Variants in DNM3 observed in about 807,000 individuals in gnomAD.
DNM3 encodes the protein dynamin 3.
Under a neutral mutation model 101.6 loss-of-function variants are expected in DNM3, and 47 were observed. The ratio of observed to expected loss-of-function variants is 0.46; its 90% confidence interval spans 0.37 to 0.59. DNM3 has a LOEUF of 0.59. Ranked by LOEUF, DNM3 falls within the 20% of genes least tolerant of loss-of-function variation. The probability of loss-of-function intolerance (pLI) is 0.00; values close to 1 mark genes in which losing one functional copy is unlikely to be tolerated. For synonymous variants in DNM3, 385 were observed against 387.9 expected, an observed-to-expected ratio of 0.99 and a Z score of 0.09; for missense variants, 849 against 1,085.7, an observed-to-expected ratio of 0.78 and a Z score of 3.06.
chr1:172,253,535 C>G, intron 14 of DNM3, 38 bp from the exon 15 acceptor site: 2 of 947,622 alleles, frequency 2.1e-6, no homozygotes, highest in Non-Finnish European at 3.1e-6. Context: ...CTCTCCTCTC[C>G]TCTCCTCTCC....
intron 17 of DNM3, among the ~76,000 whole-genome samples, chr1:172,339,704 C>G (rs563099642): frequency 6.6e-6 from 1 of 152,156 alleles, no homozygotes; most frequent in African/African-American, 2.4e-5. Flanking sequence ...CCCTGCTTGT[C>G]CTGCCTGTTG....
At chr1:172,239,719 C>T (rs2061671670) in intron 14 of DNM3, among the ~76,000 whole-genome samples, 1 of 151,420 alleles carries the variant, frequency 6.6e-6, no homozygotes, top group African/African-American at 2.4e-5. Context: ...CTAATGATAC[C>T]TTCTCAGTTC....
At chr1:171,918,401 C>T (rs762708098) in intron 1 of DNM3, among the ~76,000 whole-genome samples, 12 of 152,120 alleles carry the variant, frequency 7.9e-5, no homozygotes, top group Admixed American at 3.9e-4. Context: ...GTTTCTCATT[C>T]GAGGACTCAT....
chr1:172,372,876 GTT>G (rs2068418038), intron 17 of DNM3, among the ~76,000 whole-genome samples: 1 of 151,458 alleles, frequency 6.6e-6, no homozygotes, highest in Admixed American at 6.6e-5. Context: ...TAGAGACCAG[GTT>G]TCATCATGTT....
At chr1:172,347,616 A>T (rs1297096094) in intron 17 of DNM3, among the ~76,000 whole-genome samples, 1 of 152,218 alleles carries the variant, frequency 6.6e-6, no homozygotes, top group Non-Finnish European at 1.5e-5. Flanking sequence ...TGATATGAAT[A>T]CACTGACCAG....
rs1446405925 is a variant in DNM3, at chr1:172,066,265, A to G, written c.1336-2554A>G. ...CATTTTCTGTAGTTTATAACAAAAT[A>G]CCTGAAACTGGGTATACAGAAAAGG... On this transcript the variant is annotated intron_variant, in intron 10 of 20. Transcript: ENST00000627582. Among the ~76,000 whole-genome samples the G allele has an allele frequency of 2.0e-5, 3 of 152,272 alleles. No individual in the cohort carries two copies. The East Asian group carries it at 5.8e-4, about 29-fold the overall frequency.
chr1:171,927,994 A>C (rs2040714900), intron 2 of DNM3, among the ~76,000 whole-genome samples: 1 of 152,178 alleles, frequency 6.6e-6, no homozygotes, highest in Admixed American at 6.5e-5. Context: ...TACAGTGTAG[A>C]TTGAATACAG....
intron 1 of DNM3, among the ~76,000 whole-genome samples, chr1:171,875,833 A>G (rs1266944119): frequency 7.7e-5 from 1 of 13,002 alleles, no homozygotes; most frequent in Non-Finnish European, 1.3e-4. Flanking sequence ...TTTTTTTGAG[A>G]TGGAGTATCG....
chr1:172,082,779 A>T lies in DNM3; in HGVS notation c.1493+877A>T, dbSNP rs1222931164. Among the ~76,000 whole-genome samples the T allele has an allele frequency of 3.9e-5, 6 of 152,214 alleles. No individual in the cohort carries two copies. The East Asian group carries it at 9.6e-4, about 24-fold the overall frequency. ...TGGATATGCAGACCCTGTGACCTAA[A>T]CTAAACAGTGGCCTGAGGAATTTAC... On this transcript the variant is annotated intron_variant, in intron 12 of 20. Transcript: ENST00000627582.
rs376612134 is a variant in DNM3, at chr1:172,323,408, C to T, written c.1893+68C>T. The T allele has an allele frequency of 4.6e-5, 71 of 1,543,802 alleles. No homozygotes were observed. The African/African-American group carries it at 8.4e-4, about 18-fold the overall frequency. On this transcript the variant is annotated intron_variant, in intron 17 of 20. Transcript: ENST00000627582. ...CCTGCTCCGCTCCTGCATGTCTTGA[C>T]AAGAGTGTTCCTGTGCATGCTGGAA...
intron 15 of DNM3, among the ~76,000 whole-genome samples, chr1:172,276,067 T>C (rs2063273399): frequency 2.0e-5 from 3 of 152,098 alleles, no homozygotes; most frequent in Non-Finnish European, 1.5e-5. Flanking sequence ...TTTTTAAAAA[T>C]AGAATGGGCA....
chr1:172,216,788 ACACAAAG>A (rs1187817526), intron 14 of DNM3, among the ~76,000 whole-genome samples: 18 of 151,978 alleles, frequency 1.2e-4, no homozygotes, highest in Non-Finnish European at 1.5e-5. Flanking sequence ...TGCTGCAACC[ACACAAAG>A]CACAAAGCAA....
intron 1 of DNM3, among the ~76,000 whole-genome samples, chr1:171,912,362 G>GT (rs1439466841): frequency 6.6e-6 from 1 of 152,062 alleles, no homozygotes. Context: ...TATCAAATAA[G>GT]TTTCATTAGG....
At chr1:171,939,672 A>G (rs1241230695) in intron 2 of DNM3, among the ~76,000 whole-genome samples, 1 of 152,234 alleles carries the variant, frequency 6.6e-6, no homozygotes, top group Non-Finnish European at 1.5e-5. Flanking sequence ...ACTAAAAGAC[A>G]AACTGTAGAG....
intron 17 of DNM3, chr1:172,339,193 A>G (rs77687231): frequency 0.076 from 23,577 of 309,876 alleles, 1,146 homozygotes; most frequent in South Asian, 0.14. Flanking sequence ...GTCTACCTCT[A>G]ACTAAATTTC....
At position 172,335,612 on chromosome 1, in the gene DNM3, A is replaced by G. The variant is rs1270550801; in HGVS notation, c.1893+12272A>G. On this transcript the variant is annotated intron_variant, in intron 17 of 20. Transcript: ENST00000627582. ...ATGCCATGGAATACCATGTGGCCAT[A>G]AAAAAGAGTGACATCATGTCCTTTG... Among the ~76,000 whole-genome samples the G allele has an allele frequency of 2.6e-5, 4 of 152,206 alleles. No individual in the cohort carries two copies. In the East Asian group the frequency reaches 5.8e-4, roughly 22 times the overall value.
chr1:172,363,784 A>G (rs1345179168), intron 17 of DNM3, among the ~76,000 whole-genome samples: 1 of 151,424 alleles, frequency 6.6e-6, no homozygotes, highest in East Asian at 1.9e-4. Flanking sequence ...TCAGCCATAT[A>G]CTCTTCTTCT....
chr1:172,293,412 A>G (rs529916888), intron 15 of DNM3, among the ~76,000 whole-genome samples: 4 of 152,306 alleles, frequency 2.6e-5, no homozygotes, highest in South Asian at 2.1e-4. Flanking sequence ...CTTCTTTTTT[A>G]GCATTGAAGT....
chr1:171,961,562 C>T (rs2043211225), intron 2 of DNM3, among the ~76,000 whole-genome samples: 1 of 152,120 alleles, frequency 6.6e-6, no homozygotes, highest in African/African-American at 2.4e-5. Context: ...GTTAAACATA[C>T]AATTAACTAT....
Sources: gnomAD v4.1 joint callset for allele counts (sites outside exome capture counted in the v4.1 genomes callset) on GRCh38, gnomAD v4.1.1 for gene constraint, MANE v1.5 for transcripts, NCBI Gene and HGNC (gene_info 2026-07-23, HGNC 2026-07-21) for gene names.